MYO1E: variants seen among roughly 807,000 people sequenced by gnomAD.
MYO1E encodes the protein unconventional myosin-Ie.
A neutral mutation model predicts 151.1 loss-of-function variants in MYO1E; 68 were observed. That is an observed-to-expected ratio of 0.45 (90% CI 0.37 to 0.55). The LOEUF (loss-of-function observed/expected upper bound fraction) is 0.55. MYO1E is among the 20% of genes least tolerant of loss of function. The probability of loss-of-function intolerance (pLI) is 0.00; values close to 1 mark genes in which losing one functional copy is unlikely to be tolerated. For missense variants in MYO1E, 1,363 were observed against 1,389.3 expected, an observed-to-expected ratio of 0.98 and a Z score of 0.30; for synonymous variants, 601 against 501.7, an observed-to-expected ratio of 1.20 and a Z score of -2.64.
intron 10 of MYO1E, among the ~76,000 whole-genome samples, chr15:59,216,677 T>TAC (rs1273757182): frequency 3.3e-5 from 1 of 30,176 alleles, no homozygotes; most frequent in Non-Finnish European, 7.0e-5. Flanking sequence ...TATATATATA[T>TAC]ATATATATAC....
intron 1 of MYO1E, among the ~76,000 whole-genome samples, chr15:59,330,972 G>A (rs895928742): frequency 2.0e-5 from 3 of 152,036 alleles, no homozygotes; most frequent in Non-Finnish European, 2.9e-5. Flanking sequence ...GTCTCCCTAC[G>A]TTGCCCATGC....
intron 4 of MYO1E, among the ~76,000 whole-genome samples, chr15:59,251,047 G>C (rs1195827277): frequency 6.6e-6 from 1 of 152,196 alleles, no homozygotes; most frequent in Non-Finnish European, 1.5e-5. Context: ...TGTGAGGAAA[G>C]AGAAAGGGCA....
At chr15:59,211,594 A>T (rs2079879685) in intron 12 of MYO1E, among the ~76,000 whole-genome samples, 1 of 152,154 alleles carries the variant, frequency 6.6e-6, no homozygotes, top group Non-Finnish European at 1.5e-5. Context: ...ACTTGGATGT[A>T]TGATAGGCCT....
intron 18 of MYO1E, among the ~76,000 whole-genome samples, chr15:59,179,178 C>T (rs1245838178): frequency 6.6e-6 from 1 of 152,128 alleles, no homozygotes; most frequent in African/African-American, 2.4e-5. Context: ...GTGTGCTGCT[C>T]CCCAAACTCA....
chr15:59,216,351 T>A lies in MYO1E; in HGVS notation c.1107+1540A>T, dbSNP rs377254204. On this transcript the variant is annotated intron_variant, in intron 10 of 27. Coordinates refer to ENST00000288235, the MANE Select transcript of MYO1E (RefSeq NM_004998.4). ...AGATAATAATACCTAAGTCACAGGG[T>A]TGTTGTAAGAATTAAGTGAGGGTTT... 8.4e-4 allele frequency among the ~76,000 whole-genome samples: 128 copies of A among 151,778 alleles called. 2 individuals carry two copies. In the South Asian group the frequency reaches 0.026, roughly 31 times the overall value.
At chr15:59,185,328 C>T (rs559591274) in intron 18 of MYO1E, among the ~76,000 whole-genome samples, 21 of 152,160 alleles carry the variant, frequency 1.4e-4, no homozygotes, top group African/African-American at 2.2e-4. Context: ...AGTGCAATGG[C>T]GCCATGCCAA....
intron 1 of MYO1E, among the ~76,000 whole-genome samples, chr15:59,292,303 C>T (rs2080424353): frequency 6.6e-6 from 1 of 152,208 alleles, no homozygotes; most frequent in African/African-American, 2.4e-5. Flanking sequence ...AATGAAAAGC[C>T]TTAATCCACC....
At position 59,195,496 on chromosome 15, in the gene MYO1E, G is replaced by A. The variant is rs149553440; in HGVS notation, c.1770C>T (p.Asn590=). 89 of 1,614,112 alleles carry A rather than the reference G, an allele frequency of 5.5e-5. No individual in the cohort carries two copies. The highest frequency in any genetic ancestry group is 4.2e-4 in the South Asian group (38 of 91,080). ...TPHYIRCIKP[N]ETKKPRDWEE... ...CCCAGTCTCTGGGCTTCTTGGTTTC[G>A]TTTGGCTTGATGCAGCGAATGTAGT... Residue 590 remains asparagine, a synonymous_variant, in exon 17 of 28, where the codon AAC becomes AAT. Transcript: ENST00000288235.
intron 25 of MYO1E, among the ~76,000 whole-genome samples, chr15:59,156,465 A>G (rs927193199): frequency 6.6e-6 from 1 of 152,180 alleles, no homozygotes; most frequent in Admixed American, 6.5e-5. Flanking sequence ...GATTATAGGC[A>G]TGAGCCACTG....
intron 1 of MYO1E, among the ~76,000 whole-genome samples, chr15:59,297,054 G>C (rs6494096): frequency 1.4e-5 from 1 of 71,508 alleles, no homozygotes; most frequent in Non-Finnish European, 3.0e-5. Flanking sequence ...GAGTTTCACT[G>C]TGTTAGCCAG....
intron 2 of MYO1E, among the ~76,000 whole-genome samples, chr15:59,265,663 A>C (rs973814600): frequency 6.6e-6 from 1 of 152,092 alleles, no homozygotes; most frequent in Non-Finnish European, 1.5e-5. Context: ...TAAAAAATAA[A>C]GTTTGGTTTA....
intron 6 of MYO1E, among the ~76,000 whole-genome samples, chr15:59,228,851 G>A (rs1292403250): frequency 1.3e-5 from 2 of 152,190 alleles, no homozygotes; most frequent in African/African-American, 4.8e-5. Context: ...AGTACATGCC[G>A]TGTTCCTGTT....
chr15:59,350,899 GTTTT>G lies in MYO1E; in HGVS notation c.3+21595_3+21598del, dbSNP rs1335232880. Among the ~76,000 whole-genome samples, 1 of 152,106 alleles carries G rather than the reference GTTTT, an allele frequency of 6.6e-6. No homozygotes were observed. The highest frequency in any genetic ancestry group is 1.5e-5 in the Non-Finnish European group (1 of 68,012). ...TGTTTGTTTGGTTGGTTGGTTTTTT[GTTTT>G]TTGTCTTTTTTGAGACGGAGTCTCG... On this transcript the variant is annotated intron_variant, in intron 1 of 27. Transcript: ENST00000288235. The surrounding 1 kb of genome is among the most constrained non-coding windows in gnomAD (Gnocchi z 5.0).
rs2079977260 is a variant in MYO1E at position 59,224,610 on chromosome 15, T to C, written c.777+79A>G. 5 of 1,577,622 alleles carry C rather than the reference T, an allele frequency of 3.2e-6. No individual in the cohort carries two copies. In the South Asian group the frequency reaches 5.6e-5, roughly 18 times the overall value. ...CATTTCATGCAGCTCTTTGCTTTAT[T>C]AACCTTCACTGCCCTTTTGGCCACA... On this transcript the variant is annotated intron_variant, in intron 8 of 27. Transcript: ENST00000288235.
In MYO1E at chr15:59,332,073, A is replaced by G. The variant is rs74464273; in HGVS notation, c.3+40425T>C. 7.9e-3 allele frequency among the ~76,000 whole-genome samples: 1,205 copies of G among 152,358 alleles called. 11 individuals are homozygous for G. The highest frequency in any genetic ancestry group is 0.028 in the African/African-American group (1,156 of 41,580). Reference sequence around the variant, plus strand: ...CGTATAAATTAAATTTAAAAGCAAAAGTATCCTACCATGTTGCAGTAACTT... The same window carrying G: ...CGTATAAATTAAATTTAAAAGCAAAGGTATCCTACCATGTTGCAGTAACTT... On this transcript the variant is annotated intron_variant, in intron 1 of 27. Coordinates refer to ENST00000288235, the MANE Select transcript of MYO1E (RefSeq NM_004998.4).
At chr15:59,285,997 G>A (rs567092594) in intron 1 of MYO1E, among the ~76,000 whole-genome samples, 32 of 152,294 alleles carry the variant, frequency 2.1e-4, no homozygotes, top group South Asian at 1.2e-3. Context: ...AAGGTAATGA[G>A]GCAGGAAGAC....
At position 59,138,256 on chromosome 15, in the gene MYO1E, A is replaced by AG. The variant is rs1194403426; in HGVS notation, c.3191dup (p.Gln1065SerfsTer9). 1 of 1,614,208 alleles carries AG rather than the reference A, an allele frequency of 6.2e-7. No individual in the cohort carries two copies. The highest frequency in any genetic ancestry group is 1.3e-5 in the African/African-American group (1 of 75,044). Reference sequence around the variant, plus strand: ...TAAAGCTGAGTTCGTCTGTGTCCTGAGCGTCATAGGCATACAAAGCCTTGC... The same window carrying AG: ...TAAAGCTGAGTTCGTCTGTGTCCTGAGGCGTCATAGGCATACAAAGCCTTGC... On this transcript the variant is annotated frameshift_variant, in exon 27 of 28. Coordinates refer to ENST00000288235, the MANE Select transcript of MYO1E (RefSeq NM_004998.4). LOFTEE classifies it high-confidence loss of function.
chr15:59,176,442 C>G (rs1295769201), intron 19 of MYO1E, among the ~76,000 whole-genome samples: 2 of 110,522 alleles, frequency 1.8e-5, no homozygotes, highest in Non-Finnish European at 1.7e-5. Context: ...GGTAGGTTTT[C>G]TTTTTCCTTT....
intron 1 of MYO1E, among the ~76,000 whole-genome samples, chr15:59,297,450 T>TTTTTTTTTTTTA (rs2080457262): frequency 7.0e-6 from 1 of 143,778 alleles, no homozygotes; most frequent in Non-Finnish European, 1.6e-5. Context: ...TTTTTTTTTT[T>TTTTTTTTTTTTA]TTTTTTTTTT....
Sources: gnomAD v4.1 joint callset for allele counts (sites outside exome capture counted in the v4.1 genomes callset) on GRCh38, gnomAD v4.1.1 for gene constraint, Gnocchi (gnomAD v3.1) non-coding constraint, MANE v1.5 for transcripts, NCBI Gene and HGNC (gene_info 2026-07-23, HGNC 2026-07-21) for gene names.